IL10RA: variants seen among roughly 807,000 people sequenced by gnomAD.
The protein encoded by IL10RA is interleukin 10 receptor subunit alpha.
In IL10RA, 18 loss-of-function variants were observed where a neutral mutation model predicts 29.6. The observed-to-expected ratio is 0.61, with a 90% confidence interval of 0.42 to 0.90. The LOEUF (loss-of-function observed/expected upper bound fraction) is 0.90, where lower values mean the gene tolerates loss of function less well. Ranked by LOEUF, IL10RA falls within the 40% of genes least tolerant of loss-of-function variation. The pLI is 0.00. For synonymous variants in IL10RA, 292 were observed against 294.1 expected (o/e 0.99, Z 0.07); for missense variants, 634 against 716.6 (o/e 0.88, Z 1.32).
chr11:117,988,300 C>T, intron 1 of IL10RA, 82 bp from the exon 2 acceptor site: 5 of 1,580,948 alleles, frequency 3.2e-6, no homozygotes, highest in South Asian at 2.2e-5. Context: ...CCTCTCTGAA[C>T]CTCCCTTTCT....
Position 117,989,343 on chromosome 11 carries a change from C to T in IL10RA, c.189-99C>T. On this transcript the variant is annotated intron_variant, in intron 2 of 6. Transcript: ENST00000227752. This position sits in a 1 kb window ranked among gnomAD's most constrained non-coding sequence, Gnocchi z 4.5. ...AGCCTGAGGGCTGTCCCAGTTTCTC[C>T]CAATGTGGGAGCTCTCTTCCTGGCC... is the stretch of plus-strand genomic sequence containing the variant. 1 of 1,086,812 alleles carries T rather than the reference C, an allele frequency of 9.2e-7. No individual in the cohort carries two copies. The highest frequency in any genetic ancestry group is 1.5e-5 in the African/African-American group (1 of 64,772). The allele number at this position is 1,086,812 out of a possible 1,614,324, so 67.3% of individuals were successfully genotyped here.
Position 118,000,118 on chromosome 11 carries a change from G to A in IL10RA, c.*477G>A, listed in dbSNP as rs2058085767. On this transcript the variant is annotated 3_prime_UTR_variant, in exon 7 of 7. Coordinates refer to ENST00000227752, the MANE Select transcript of IL10RA (RefSeq NM_001558.4). ...GGAAGCTTCAGGGCCTTGCTGCTGG[G>A]GTCATTTTTAGGGGAAAAAGGAGGA... The A allele has an allele frequency of 2.2e-6, 1 of 456,002 alleles. No homozygotes were observed. The highest frequency in any genetic ancestry group is 4.4e-6 in the Non-Finnish European group (1 of 228,176). 28.2% of individuals were successfully genotyped at this position (456,002 alleles called of 1,614,324 possible). A position where few individuals can be genotyped will look rare whatever the true frequency, so the allele number is the denominator to read the frequency against.
chr11:117,988,438 A>G lies in IL10RA; in HGVS notation c.124A>G (p.Ile42Val), dbSNP rs761039534. Residue 42 changes from isoleucine to valine, a missense_variant, in exon 2 of 7, where the codon ATC (isoleucine) becomes GTC (valine). Ile to Val is a conservative substitution (Grantham distance 29, BLOSUM62 3). Transcript: ENST00000227752. Reference sequence around the variant, plus strand: ...GTTTGAAGCAGAATTTTTCCACCACATCCTCCACTGGACACCCATCCCAAA... The same window carrying G: ...GTTTGAAGCAGAATTTTTCCACCACGTCCTCCACTGGACACCCATCCCAAA... Reference protein sequence around the residue: ...VWFEAEFFHHILHWTPIPNQS... With the variant: ...VWFEAEFFHHVLHWTPIPNQS... The G allele has an allele frequency of 1.2e-6, 2 of 1,614,062 alleles. No individual in the cohort carries two copies. Among genetic ancestry groups the G allele is most frequent in the East Asian group, 4.5e-5 (2 of 44,870 alleles).
Position 117,999,218 on chromosome 11 carries a change from A to C in IL10RA, c.1314A>C (p.Pro438=), listed in dbSNP as rs1305132101. The C allele has an allele frequency of 6.2e-7, 1 of 1,614,242 alleles. No homozygotes were observed. The highest frequency in any genetic ancestry group is 1.7e-5 in the Admixed American group (1 of 60,034). ...PEPEVPGEED[P]AAVAFQGYLR... ...CTGAGGTGCCTGGGGAAGAAGACCC[A>C]GCTGCTGTGGCATTCCAGGGTTACC... Residue 438 remains proline (P), a synonymous_variant, in exon 7 of 7, where the codon CCA becomes CCC. Transcript: ENST00000227752.
chr11:117,986,471 C>T lies in IL10RA; in HGVS notation c.4C>T (p.Leu2=). 6.4e-7 allele frequency: 1 copy of T among 1,554,080 alleles called. No individual in the cohort carries two copies. Among genetic ancestry groups the T allele is most frequent in the Non-Finnish European group, 8.7e-7 (1 of 1,149,004 alleles). ...CGGACGATGCGGCGCGCCCAGGATG[C>T]TGCCGTGCCTCGTAGTGCTGCTGGC... M[L]PCLVVLLAAL... The change falls in exon 1 of 7, where the codon CTG becomes TTG. Residue 2 remains leucine, a synonymous_variant. Coordinates refer to ENST00000227752, the MANE Select transcript of IL10RA (RefSeq NM_001558.4).
At position 117,999,506 on chromosome 11, in the gene IL10RA, G is replaced by A; in HGVS notation, c.1602G>A (p.Leu534=). The change falls in exon 7 of 7, where the codon CTG becomes CTA. Residue 534 remains leucine, a synonymous_variant. Transcript: ENST00000227752. Reference sequence around the variant, plus strand: ...TGGCCTTGAGCAGCTGCAGTGACCTGGGAATATCTGACTGGAGCTTTGCCC... The same window carrying A: ...TGGCCTTGAGCAGCTGCAGTGACCTAGGAATATCTGACTGGAGCTTTGCCC... The part of the protein sequence containing the change: ...SLLALSSCSD[L]GISDWSFAHD... The A allele has an allele frequency of 1.2e-6, 2 of 1,614,214 alleles. No individual in the cohort carries two copies. The highest frequency in any genetic ancestry group is 1.7e-6 in the Non-Finnish European group (2 of 1,180,036).
At chr11:117,996,074 T>G (rs1173842738) in intron 6 of IL10RA, among the ~76,000 whole-genome samples, 1 of 152,158 alleles carries the variant, frequency 6.6e-6, no homozygotes, top group Non-Finnish European at 1.5e-5. Flanking sequence ...GTGAGGAAAC[T>G]GAGGCACAGA....
In IL10RA at chr11:118,000,295, G is replaced by C. The variant is rs1156453937; in HGVS notation, c.*654G>C. The C allele has an allele frequency of 2.2e-6, 1 of 454,110 alleles. No homozygotes were observed. Among genetic ancestry groups the C allele is most frequent in the South Asian group, 1.6e-5 (1 of 64,472 alleles). The allele number at this position is 454,110 out of a possible 1,614,324, so 28.1% of individuals were successfully genotyped here. On this transcript the variant is annotated 3_prime_UTR_variant, in exon 7 of 7. Coordinates refer to ENST00000227752, the MANE Select transcript of IL10RA (RefSeq NM_001558.4). ...CAAAGGGAGCCGAGACCCTGGATGG[G>C]GCTTCCAGCTCAGAACCCATCCCTC...
Position 117,999,917 on chromosome 11 carries a change from C to T in IL10RA, c.*276C>T, listed in dbSNP as rs1360786435. On this transcript the variant is annotated 3_prime_UTR_variant, in exon 7 of 7. Coordinates refer to ENST00000227752, the MANE Select transcript of IL10RA (RefSeq NM_001558.4). ...CTGGCAGAGCTGAGAAGGGCAGGGACCTTCTCCCTCCTAGGAACTCTTTCC... is the reference window on the plus strand; with the variant it reads ...CTGGCAGAGCTGAGAAGGGCAGGGATCTTCTCCCTCCTAGGAACTCTTTCC... The T allele has an allele frequency of 1.6e-6, 1 of 633,294 alleles. No homozygotes were observed. The highest frequency in any genetic ancestry group is 2.1e-5 in the Admixed American group (1 of 47,876). The allele number at this position is 633,294 out of a possible 1,614,324, so 39.2% of individuals were successfully genotyped here.
intron 5 of IL10RA, 99 bp downstream of exon 5, chr11:117,994,248 GT>G: frequency 1.0e-6 from 1 of 991,972 alleles, no homozygotes; most frequent in Non-Finnish European, 1.5e-6. Context: ...CAGCCACTGT[GT>G]TAGGTGCTGC....
chr11:117,992,604 C>A (rs1344695410), intron 3 of IL10RA, among the ~76,000 whole-genome samples: 2 of 152,214 alleles, frequency 1.3e-5, no homozygotes, highest in Non-Finnish European at 2.9e-5. Context: ...ACCCCTTATT[C>A]AATGAACATT....
chr11:117,995,596 C>T lies in IL10RA; in HGVS notation c.696C>T (p.Thr232=), dbSNP rs4252311. The T allele has an allele frequency of 3.6e-3, 5,845 of 1,614,152 alleles. 17 individuals carry two copies. Among genetic ancestry groups the T allele is most frequent in the South Asian group, 5.8e-3 (530 of 91,076 alleles). The change falls in exon 6 of 7, where the codon ACC becomes ACT. Residue 232 remains threonine (T), a synonymous_variant. Transcript: ENST00000227752. ...ECISLTRQYF[T]VTNVIIFFAF... ...ATCTCTCTGGGCCTGCAGATTTCAC[C>T]GTGACCAACGTCATCATCTTCTTTG...
At position 117,999,898 on chromosome 11, in the gene IL10RA, G is replaced by A; in HGVS notation, c.*257G>A. 3 of 662,560 alleles carry A rather than the reference G, an allele frequency of 4.5e-6. No individual in the cohort carries two copies. Among genetic ancestry groups the A allele is most frequent in the Non-Finnish European group, 8.3e-6 (3 of 360,874 alleles). 41.0% of individuals were successfully genotyped at this position (662,560 alleles called of 1,614,324 possible). A position where few individuals can be genotyped will look rare whatever the true frequency, so the allele number is the denominator to read the frequency against. Reference sequence around the variant, plus strand: ...GACTGGGGCCCTGCAGACTCTGGCAGAGCTGAGAAGGGCAGGGACCTTCTC... The same window carrying A: ...GACTGGGGCCCTGCAGACTCTGGCAAAGCTGAGAAGGGCAGGGACCTTCTC... On this transcript the variant is annotated 3_prime_UTR_variant, in exon 7 of 7. Coordinates refer to ENST00000227752, the MANE Select transcript of IL10RA (RefSeq NM_001558.4).
At chr11:117,990,334 T>A (rs1423535587) in intron 3 of IL10RA, among the ~76,000 whole-genome samples, 5 of 144,288 alleles carry the variant, frequency 3.5e-5, no homozygotes, top group African/African-American at 1.3e-4. Context: ...GTGTCTTGAA[T>A]GGGCCCAGGG....
At position 117,999,069 on chromosome 11, in the gene IL10RA, C is replaced by A. The variant is rs746168445; in HGVS notation, c.1165C>A (p.Gln389Lys). Reference sequence around the variant, plus strand: ...CCCCAGCACAGGGCCCACCTGGGAGCAACAGGTGGGGAGCAACAGCAGGGG... The same window carrying A: ...CCCCAGCACAGGGCCCACCTGGGAGAAACAGGTGGGGAGCAACAGCAGGGG... The part of the protein sequence containing the change: ...LSPSTGPTWE[Q>K]QVGSNSRGQD... Residue 389 changes from glutamine to lysine, a missense_variant, in exon 7 of 7, where the codon CAA (glutamine) becomes AAA (lysine). Coordinates refer to ENST00000227752, the MANE Select transcript of IL10RA (RefSeq NM_001558.4). 5.0e-6 allele frequency: 8 copies of A among 1,611,390 alleles called. No homozygotes were observed. Among genetic ancestry groups the A allele is most frequent in the Non-Finnish European group, 5.1e-6 (6 of 1,177,890 alleles).
At chr11:117,988,621 A>T in intron 2 of IL10RA, 119 bp downstream of exon 2, 1 of 1,172,652 alleles carries the variant, frequency 8.5e-7, no homozygotes, top group Non-Finnish European at 1.3e-6. Context: ...GGCCCCTAAC[A>T]CATAGCCAGC....
chr11:118,001,197 A>G lies in IL10RA; in HGVS notation c.*1556A>G, dbSNP rs987766219. ...AAAGCTTTATTTATTTATTTTGTTC[A>G]TTTATTTATTGGAGAGGCAGCATTG... On this transcript the variant is annotated 3_prime_UTR_variant, in exon 7 of 7. Coordinates refer to ENST00000227752, the MANE Select transcript of IL10RA (RefSeq NM_001558.4). 43 of 453,890 alleles carry G rather than the reference A, an allele frequency of 9.5e-5. No homozygotes were observed. Among genetic ancestry groups the G allele is most frequent in the African/African-American group, 7.8e-4 (39 of 49,900 alleles). The allele number at this position is 453,890 out of a possible 1,614,324, so 28.1% of individuals were successfully genotyped here.
At chr11:117,995,406 A>G (rs1437266228) in intron 5 of IL10RA, 183 bp from the exon 6 acceptor site, 3 of 703,794 alleles carry the variant, frequency 4.3e-6, no homozygotes, top group East Asian at 5.5e-5. Flanking sequence ...CATGGTTTGG[A>G]AGGCCAGGTA....
chr11:117,989,247 A>C lies in IL10RA; in HGVS notation c.189-195A>C, dbSNP rs531220566. ...CCTATCTAAAAATCTGCTAGACCAC[A>C]TGGAAATTGGTACGGGGTCCCAAGA... is the stretch of plus-strand genomic sequence containing the variant. On this transcript the variant is annotated intron_variant, in intron 2 of 6. Coordinates refer to ENST00000227752, the MANE Select transcript of IL10RA (RefSeq NM_001558.4). The surrounding 1 kb of genome is among the most constrained non-coding windows in gnomAD (Gnocchi z 4.5). 3.3e-5 allele frequency among the ~76,000 whole-genome samples: 5 copies of C among 152,332 alleles called. No individual in the cohort carries two copies. The South Asian group carries it at 6.2e-4, about 19-fold the overall frequency.
Sources: gnomAD v4.1 joint callset for allele counts (sites outside exome capture counted in the v4.1 genomes callset) on GRCh38, gnomAD v4.1.1 for gene constraint, Gnocchi (gnomAD v3.1) non-coding constraint, MANE v1.5 for transcripts, NCBI Gene and HGNC (gene_info 2026-07-23, HGNC 2026-07-21) for gene names.